TMIGD3: variants seen among roughly 807,000 people sequenced by gnomAD.
The protein encoded by TMIGD3 is transmembrane and immunoglobulin domain containing 3.
Under a neutral mutation model 28.1 loss-of-function variants are expected in TMIGD3, and 21 were observed. That is an observed-to-expected ratio of 0.75 (90% CI 0.53 to 1.08). The LOEUF (loss-of-function observed/expected upper bound fraction) is 1.08, where lower values mean the gene tolerates loss of function less well. Ranked by LOEUF, TMIGD3 falls within the 50% of genes least tolerant of loss-of-function variation. The probability of loss-of-function intolerance (pLI) is 0.00; values close to 1 mark genes in which losing one functional copy is unlikely to be tolerated. For synonymous variants in TMIGD3, 151 were observed against 162.1 expected, an observed-to-expected ratio of 0.93 and a Z score of 0.52; for missense variants, 416 against 435.6, an observed-to-expected ratio of 0.96 and a Z score of 0.40.
chr1:111,521,627 T>C (rs1656062688), intron 1 of TMIGD3, among the ~76,000 whole-genome samples: 1 of 152,240 alleles, frequency 6.6e-6, no homozygotes, highest in Non-Finnish European at 1.5e-5. Flanking sequence ...TTATTCATAT[T>C]CTTAATGAAG....
intron 1 of TMIGD3, among the ~76,000 whole-genome samples, chr1:111,559,779 C>G (rs994308134): frequency 6.6e-6 from 1 of 152,108 alleles, no homozygotes; most frequent in Non-Finnish European, 1.5e-5. Flanking sequence ...GGCTAAAAGC[C>G]ATAACATGAG....
At chr1:111,539,033 C>T (rs565798967) in intron 1 of TMIGD3, among the ~76,000 whole-genome samples, 2 of 152,286 alleles carry the variant, frequency 1.3e-5, no homozygotes, top group East Asian at 3.9e-4. Context: ...GATATCCCAG[C>T]CTTAGCAAGA....
intron 1 of TMIGD3, among the ~76,000 whole-genome samples, chr1:111,547,578 T>TA (rs1174611727): frequency 6.6e-6 from 1 of 152,210 alleles, no homozygotes; most frequent in Non-Finnish European, 1.5e-5. Context: ...AGTTCATCCC[T>TA]AGAGAACTGA....
At chr1:111,538,358 A>G (rs1273391197) in intron 1 of TMIGD3, among the ~76,000 whole-genome samples, 2 of 152,222 alleles carry the variant, frequency 1.3e-5, no homozygotes, top group Non-Finnish European at 2.9e-5. Context: ...GTGTATACAG[A>G]AATGGCGAGG....
At chr1:111,499,583 A>G in intron 1 of TMIGD3, 8 of 1,030,512 alleles carry the variant, frequency 7.8e-6, no homozygotes, top group Non-Finnish European at 8.2e-6. Context: ...TATGGAAATG[A>G]GTCACCACCA....
intron 1 of TMIGD3, among the ~76,000 whole-genome samples, chr1:111,547,483 T>TTC (rs1657076133): frequency 6.6e-6 from 1 of 152,108 alleles, no homozygotes; most frequent in Non-Finnish European, 1.5e-5. Context: ...AAAATGGAGT[T>TTC]AAAAAATATA....
At chr1:111,563,580 C>T (rs1176174757) in intron 1 of TMIGD3, among the ~76,000 whole-genome samples, 1 of 152,108 alleles carries the variant, frequency 6.6e-6, no homozygotes, top group Admixed American at 6.5e-5. Flanking sequence ...GGTAGGTAGA[C>T]AAGAGAATTC....
chr1:111,485,690 T>G, intron 5 of TMIGD3, 50 bp downstream of exon 5: 2 of 1,407,646 alleles, frequency 1.4e-6, no homozygotes, highest in Non-Finnish European at 2.0e-6. Flanking sequence ...TTGACCTCTT[T>G]CATTTTCTCT....
Position 111,543,887 on chromosome 1 carries a change from G to A in TMIGD3, c.107+19959C>T, listed in dbSNP as rs1031261104. 1.6e-4 allele frequency among the ~76,000 whole-genome samples: 24 copies of A among 152,308 alleles called. 1 individual carries two copies. The highest frequency in any genetic ancestry group is 5.8e-4 in the African/African-American group (24 of 41,570). ...AAAGGATTGGGCCTTCTCAGAGAGA[G>A]AGTAGACAATGATAGGCAAAGATGG... On this transcript the variant is annotated intron_variant, in intron 1 of 5. Transcript: ENST00000369717.
Position 111,539,400 on chromosome 1 carries a change from C to A in TMIGD3, c.107+24446G>T, listed in dbSNP as rs185899589. ...GCAACCTCCATCTCCCGAGTTCAAG[C>A]GATTCTCTTGCCTCAGCCTCCTGAG... is the stretch of plus-strand genomic sequence containing the variant. On this transcript the variant is annotated intron_variant, in intron 1 of 5. Coordinates refer to the TMIGD3 transcript ENST00000369717. Among the ~76,000 whole-genome samples, 3 of 152,226 alleles carry A rather than the reference C, an allele frequency of 2.0e-5. No homozygotes were observed. In the East Asian group the frequency reaches 5.8e-4, roughly 29 times the overall value.
chr1:111,502,107 TA>T (rs1655221122), intron 1 of TMIGD3, among the ~76,000 whole-genome samples: 1 of 27,472 alleles, frequency 3.6e-5, no homozygotes, highest in African/African-American at 8.4e-5. Context: ...GATATATATT[TA>T]ATATAATAAA....
At chr1:111,483,903 T>C (rs1654236549) in intron 5 of TMIGD3, 146 bp from the exon 6 acceptor site, 1 of 659,986 alleles carries the variant, frequency 1.5e-6, no homozygotes, top group Non-Finnish European at 2.7e-6. Context: ...AGATCAGATA[T>C]CATTACTGCA....
chr1:111,537,742 C>T (rs1281426219), intron 1 of TMIGD3, among the ~76,000 whole-genome samples: 1 of 152,202 alleles, frequency 6.6e-6, no homozygotes, highest in Non-Finnish European at 1.5e-5. Flanking sequence ...AATATTACAT[C>T]TCTGAAAGAG....
chr1:111,513,907 G>A (rs1054933393), intron 1 of TMIGD3, among the ~76,000 whole-genome samples: 1 of 152,198 alleles, frequency 6.6e-6, no homozygotes, highest in African/African-American at 2.4e-5. Context: ...AGGGAGGCAG[G>A]GCATCCCCTA....
intron 1 of TMIGD3, among the ~76,000 whole-genome samples, chr1:111,514,037 TCACAA>T (rs1655779213): frequency 1.3e-5 from 2 of 152,182 alleles, no homozygotes; most frequent in African/African-American, 4.8e-5. Context: ...CACATGGGCC[TCACAA>T]CCCCGTCCCT....
At chr1:111,533,486 C>A (rs1229212459) in intron 1 of TMIGD3, among the ~76,000 whole-genome samples, 4 of 152,218 alleles carry the variant, frequency 2.6e-5, no homozygotes, top group Non-Finnish European at 5.9e-5. Flanking sequence ...TCTTAGCTAA[C>A]CATTATTAGC....
chr1:111,505,103 T>C (rs989952233), upstream of TMIGD3: 2 of 779,898 alleles, frequency 2.6e-6, no homozygotes, highest in Non-Finnish European at 3.1e-6. Context: ...CAAGAGAAAT[T>C]TCTAGGAGGC....
intron 1 of TMIGD3, among the ~76,000 whole-genome samples, chr1:111,518,085 C>T (rs144261159): frequency 2.8e-4 from 42 of 152,324 alleles, no homozygotes; most frequent in Admixed American, 1.2e-3. Flanking sequence ...AGGATCTGGA[C>T]CCAAGCAGGC....
chr1:111,541,407 G>T (rs1656817130), intron 1 of TMIGD3, among the ~76,000 whole-genome samples: 1 of 152,170 alleles, frequency 6.6e-6, no homozygotes. Flanking sequence ...TACCCTAAAA[G>T]AATTCTGACT....
Sources: gnomAD v4.1 joint callset for allele counts (sites outside exome capture counted in the v4.1 genomes callset) on GRCh38, gnomAD v4.1.1 for gene constraint, MANE v1.5 for transcripts, NCBI Gene and HGNC (gene_info 2026-07-23, HGNC 2026-07-21) for gene names.